The following KIF6 variants were observed in gnomAD, a reference collection of about 807,000 sequenced individuals.
The protein encoded by KIF6 is kinesin-like protein KIF6.
A neutral mutation model predicts 112.7 loss-of-function variants in KIF6; 106 were observed. That is an observed-to-expected ratio of 0.94 (90% CI 0.80 to 1.11). KIF6 has a LOEUF of 1.11. KIF6 is among the 50% of genes least tolerant of loss of function. The pLI, the probability that KIF6 is intolerant of heterozygous loss-of-function variation, is 0.00. For synonymous variants in KIF6, 339 were observed against 339.9 expected (o/e 1.00, Z 0.03); for missense variants, 929 against 964.0 (o/e 0.96, Z 0.48).
chr6:39,540,275 C>T, intron 12 of KIF6, 54 bp from the exon 13 acceptor site: 1 of 1,093,112 alleles, frequency 9.1e-7, no homozygotes, highest in Non-Finnish European at 1.4e-6. Context: ...GTAATCAAAA[C>T]ACAAATGTCC....
intron 20 of KIF6, among the ~76,000 whole-genome samples, chr6:39,346,079 T>TCTCTCTCTCCCTCTCCCTCC (rs1763716077): frequency 4.7e-5 from 1 of 21,336 alleles, no homozygotes; most frequent in Admixed American, 4.0e-4. Context: ...TCTCTCTCTC[T>TCTCTCTCTCCCTCTCCCTCC]CTCTCTCCCC....
intron 13 of KIF6, among the ~76,000 whole-genome samples, chr6:39,515,688 C>T (rs1012963398): frequency 3.3e-5 from 5 of 152,206 alleles, no homozygotes; most frequent in Non-Finnish European, 7.3e-5. Context: ...GGTTTCTCCA[C>T]CCCTCCCACT....
chr6:39,360,834 T>C (rs1185673697), intron 17 of KIF6, among the ~76,000 whole-genome samples: 1 of 152,198 alleles, frequency 6.6e-6, no homozygotes, highest in Admixed American at 6.5e-5. Flanking sequence ...GGATAAGCAT[T>C]GCTGCAGGCA....
intron 13 of KIF6, among the ~76,000 whole-genome samples, chr6:39,511,386 A>G (rs1319083044): frequency 6.6e-6 from 1 of 152,244 alleles, no homozygotes; most frequent in Non-Finnish European, 1.5e-5. Flanking sequence ...TCAAAACCAC[A>G]ATGAGATACC....
chr6:39,715,742 G>T (rs1405060273), intron 2 of KIF6, among the ~76,000 whole-genome samples: 1 of 152,088 alleles, frequency 6.6e-6, no homozygotes, highest in Non-Finnish European at 1.5e-5. Flanking sequence ...AGCAAACAAT[G>T]AACTATACAA....
chr6:39,684,616 C>CAAAAAAA (rs58959171), intron 3 of KIF6, among the ~76,000 whole-genome samples: 1 of 130,792 alleles, frequency 7.6e-6, no homozygotes. Flanking sequence ...ACCTCTGTCT[C>CAAAAAAA]AAAAAAAAAA....
intron 10 of KIF6, among the ~76,000 whole-genome samples, chr6:39,546,643 G>A (rs890498588): frequency 8.5e-5 from 13 of 152,090 alleles, no homozygotes; most frequent in African/African-American, 2.7e-4. Flanking sequence ...CTGACCAACA[G>A]AGTGAAACCC....
intron 8 of KIF6, 23 bp from the exon 9 acceptor site, chr6:39,585,007 T>C: frequency 7.7e-7 from 1 of 1,304,664 alleles, no homozygotes. Context: ...AGTAACTTCT[T>C]AAAATATTAT....
At position 39,634,924 on chromosome 6, in the gene KIF6, T is replaced by C. The variant is rs781594982; in HGVS notation, c.434A>G (p.Tyr145Cys). Residue 145 changes from tyrosine to cysteine, a missense_variant, in exon 5 of 23, where the codon TAT (tyrosine) becomes TGT (cysteine). Transcript: ENST00000287152. ...SSKIYTTHISYLEIYNECGYD... is the reference protein window; with the variant it reads ...SSKIYTTHISCLEIYNECGYD... ...ACCACATTCATTGTAGATTTCCAAATAGGAAATGTGTGTTGTATATATTTT... is the reference window on the plus strand; with the variant it reads ...ACCACATTCATTGTAGATTTCCAAACAGGAAATGTGTGTTGTATATATTTT... 1.9e-6 allele frequency: 3 copies of C among 1,611,340 alleles called. No homozygotes were observed. In the South Asian group the frequency reaches 3.3e-5, roughly 18 times the overall value.
chr6:39,379,320 T>C (rs1242595104), intron 16 of KIF6, among the ~76,000 whole-genome samples: 2 of 152,228 alleles, frequency 1.3e-5, no homozygotes, highest in Admixed American at 1.3e-4. Context: ...TTTTATTTTA[T>C]GCTCAAATGT....
intron 5 of KIF6, among the ~76,000 whole-genome samples, chr6:39,628,829 A>C (rs1428799456): frequency 6.6e-6 from 1 of 151,962 alleles, no homozygotes; most frequent in East Asian, 1.9e-4. Context: ...TCACCTATTT[A>C]TTCTTCTACC....
chr6:39,594,209 TA>T (rs61424840), intron 7 of KIF6, among the ~76,000 whole-genome samples: 4,110 of 142,994 alleles, frequency 0.029, 102 homozygotes, highest in African/African-American at 0.067. Context: ...CTTATAGAAT[TA>T]AAAAAAAAAA....
At chr6:39,460,920 C>T (rs955247921) in intron 13 of KIF6, among the ~76,000 whole-genome samples, 1 of 152,184 alleles carries the variant, frequency 6.6e-6, no homozygotes. Flanking sequence ...ACATGGCAGG[C>T]TTCAACTCAT....
intron 13 of KIF6, among the ~76,000 whole-genome samples, chr6:39,486,024 A>G (rs1328949133): frequency 6.6e-6 from 1 of 152,220 alleles, no homozygotes; most frequent in African/African-American, 2.4e-5. Flanking sequence ...GTCAGCCTCC[A>G]GAGTCCCTGC....
chr6:39,613,827 T>C (rs1207581337), intron 5 of KIF6, among the ~76,000 whole-genome samples: 2 of 152,190 alleles, frequency 1.3e-5, no homozygotes, highest in African/African-American at 2.4e-5. Context: ...TATTCCCCTA[T>C]TGAGTTTTCT....
chr6:39,562,819 A>T lies in KIF6; in HGVS notation c.1181+15237T>A, dbSNP rs114211398. ...TTATGAACATTTGCTGAATGATTTG[A>T]TTATAACATGAAAAACACTATGAGG... On this transcript the variant is annotated intron_variant, in intron 10 of 22. Coordinates refer to ENST00000287152, the MANE Select transcript of KIF6 (RefSeq NM_145027.6). 4.1e-3 allele frequency among the ~76,000 whole-genome samples: 627 copies of T among 152,378 alleles called. 3 individuals carry two copies. The highest frequency in any genetic ancestry group is 7.0e-3 in the Non-Finnish European group (479 of 68,030).
intron 5 of KIF6, among the ~76,000 whole-genome samples, chr6:39,629,250 T>C (rs148795168): frequency 1.3e-5 from 2 of 152,224 alleles, no homozygotes; most frequent in Admixed American, 6.6e-5. Flanking sequence ...AAACTGCCAA[T>C]TTGTCTTCCA....
chr6:39,404,741 T>C (rs1768964068), intron 15 of KIF6, among the ~76,000 whole-genome samples: 1 of 152,176 alleles, frequency 6.6e-6, no homozygotes. Flanking sequence ...CTGCATTACA[T>C]TTAAAGGTCA....
intron 10 of KIF6, among the ~76,000 whole-genome samples, chr6:39,566,494 T>G (rs1780284908): frequency 6.6e-6 from 1 of 152,172 alleles, no homozygotes; most frequent in Non-Finnish European, 1.5e-5. Context: ...ATAGCTCCAG[T>G]TTGGAAGCAT....
Sources: gnomAD v4.1 joint callset for allele counts (sites outside exome capture counted in the v4.1 genomes callset) on GRCh38, gnomAD v4.1.1 for gene constraint, MANE v1.5 for transcripts, NCBI Gene and HGNC (gene_info 2026-07-23, HGNC 2026-07-21) for gene names.